Variants in MPPED1 observed in about 807,000 individuals in gnomAD.
The protein encoded by MPPED1 is metallophosphoesterase domain-containing protein 1.
Under a neutral mutation model 36.2 loss-of-function variants are expected in MPPED1, and 16 were observed. That is an observed-to-expected ratio of 0.44 (90% CI 0.30 to 0.67). The LOEUF is 0.67. Ranked by LOEUF, MPPED1 falls within the 30% of genes least tolerant of loss-of-function variation. The pLI is 0.10. For synonymous variants in MPPED1, 199 were observed against 191.3 expected (o/e 1.04, Z -0.33); for missense variants, 307 against 453.4 (o/e 0.68, Z 2.93).
intron 2 of MPPED1, among the ~76,000 whole-genome samples, chr22:43,431,437 C>A (rs550736676): frequency 6.6e-6 from 1 of 152,116 alleles, no homozygotes; most frequent in East Asian, 1.9e-4. Context: ...TGTGGGTGTC[C>A]CACCCACAGA....
intron 6 of MPPED1, 74 bp from the exon 7 acceptor site, chr22:43,505,424 T>A: frequency 7.3e-7 from 1 of 1,368,008 alleles, no homozygotes; most frequent in East Asian, 2.5e-5. Context: ...CTGAGTGCCC[T>A]ATGACTGCCA....
chr22:43,490,728 TG>T (rs1932056166), intron 4 of MPPED1, among the ~76,000 whole-genome samples: 1 of 152,240 alleles, frequency 6.6e-6, no homozygotes. Context: ...AGAAATGTGT[TG>T]CTTGTTTTTC....
chr22:43,458,769 T>G (rs990040818), intron 3 of MPPED1, among the ~76,000 whole-genome samples: 8 of 152,220 alleles, frequency 5.3e-5, no homozygotes, highest in Non-Finnish European at 1.0e-4. Flanking sequence ...AATGACTTAA[T>G]TTCTCTATTT....
Position 43,507,600 on chromosome 22 carries a change from GT to G in MPPED1, c.*1985del, listed in dbSNP as rs1434860487. The G allele has an allele frequency of 6.6e-6, 1 of 152,200 alleles. No individual in the cohort carries two copies. The highest frequency in any genetic ancestry group is 2.4e-5 in the African/African-American group (1 of 41,440). 9.4% of individuals were successfully genotyped at this position (152,200 alleles called of 1,614,324 possible). A position where few individuals can be genotyped will look rare whatever the true frequency, so the allele number is the denominator to read the frequency against. On this transcript the variant is annotated 3_prime_UTR_variant, in exon 7 of 7. Coordinates refer to ENST00000443721, the MANE Select transcript of MPPED1 (RefSeq NM_001044370.2). ...AGTGCCAGCTCCACTCAATTTCTAT[GT>G]GGACCAAGAACGATAAACTTAAAAA...
At chr22:43,504,316 A>G (rs1932772706) in intron 6 of MPPED1, among the ~76,000 whole-genome samples, 1 of 151,966 alleles carries the variant, frequency 6.6e-6, no homozygotes, top group African/African-American at 2.4e-5. Context: ...GTTGGTGGTG[A>G]TGATCATGAT....
intron 3 of MPPED1, among the ~76,000 whole-genome samples, chr22:43,445,280 C>A (rs1338404587): frequency 1.3e-5 from 2 of 152,078 alleles, no homozygotes; most frequent in African/African-American, 4.8e-5. Flanking sequence ...AAAACATGCC[C>A]ATTTCTGTCA....
chr22:43,448,670 T>A (rs1025178556), intron 3 of MPPED1, among the ~76,000 whole-genome samples: 2 of 152,128 alleles, frequency 1.3e-5, no homozygotes, highest in Non-Finnish European at 2.9e-5. Flanking sequence ...TGGCATGATC[T>A]TAGCTCACTG....
intron 3 of MPPED1, among the ~76,000 whole-genome samples, chr22:43,454,367 T>A (rs1042570662): frequency 3.7e-4 from 57 of 152,104 alleles, no homozygotes; most frequent in African/African-American, 1.3e-3. Flanking sequence ...AGTGCAGTGG[T>A]GTTCTTGGTT....
intron 1 of MPPED1, chr22:43,418,199 C>T (rs925700849): frequency 4.2e-5 from 19 of 455,868 alleles, no homozygotes; most frequent in Non-Finnish European, 7.1e-5. Context: ...AGAGCACTTT[C>T]GAGAGCCGGA....
chr22:43,474,183 A>G lies in MPPED1; in HGVS notation c.407-553A>G, dbSNP rs2413764. On this transcript the variant is annotated intron_variant, in intron 3 of 6. Coordinates refer to ENST00000443721, the MANE Select transcript of MPPED1 (RefSeq NM_001044370.2). The surrounding 1 kb of genome is among the most constrained non-coding windows in gnomAD (Gnocchi z 5.2). ...GGTGGGGGCCTGGGACCGTGAGGCC[A>G]GTGACAGCTAGGGCTGGGGATGCAG... Among the ~76,000 whole-genome samples the G allele has an allele frequency of 0.66, 99,790 of 152,098 alleles. 33,240 individuals are homozygous for G. Among genetic ancestry groups the G allele is most frequent in the African/African-American group, 0.75 (31,217 of 41,496 alleles).
In MPPED1 at chr22:43,507,703, T is replaced by A. The variant is rs1268478944; in HGVS notation, c.*2087T>A. 6.6e-6 allele frequency: 1 copy of A among 152,208 alleles called. No homozygotes were observed. Among genetic ancestry groups the A allele is most frequent in the Non-Finnish European group, 1.5e-5 (1 of 68,030 alleles). 9.4% of individuals were successfully genotyped at this position (152,208 alleles called of 1,614,324 possible). Reference sequence around the variant, plus strand: ...GAAAAGTTATGAAGGCAGCTGTTACTTTAAGAGAAAATTCATTAAAAGTCC... The same window carrying A: ...GAAAAGTTATGAAGGCAGCTGTTACATTAAGAGAAAATTCATTAAAAGTCC... On this transcript the variant is annotated 3_prime_UTR_variant, in exon 7 of 7. Coordinates refer to ENST00000443721, the MANE Select transcript of MPPED1 (RefSeq NM_001044370.2).
At chr22:43,489,553 C>T (rs1003100863) in intron 4 of MPPED1, among the ~76,000 whole-genome samples, 4 of 151,812 alleles carry the variant, frequency 2.6e-5, no homozygotes, top group Admixed American at 2.0e-4. Flanking sequence ...GAGTCTCGCT[C>T]TGTCGCCCAG....
intron 3 of MPPED1, among the ~76,000 whole-genome samples, chr22:43,457,116 CT>C (rs1324238964): frequency 2.0e-5 from 3 of 152,160 alleles, no homozygotes; most frequent in Non-Finnish European, 4.4e-5. Context: ...GTATCAAAGC[CT>C]CCTAGACTGA....
At chr22:43,438,511 T>C (rs1014335746) in intron 3 of MPPED1, among the ~76,000 whole-genome samples, 6 of 151,512 alleles carry the variant, frequency 4.0e-5, no homozygotes, top group African/African-American at 1.5e-4. Context: ...TTTGGGAAGG[T>C]TTTTGTATGG....
chr22:43,447,883 A>ATATATATATATATATATATATATT (rs1321289636), intron 3 of MPPED1, among the ~76,000 whole-genome samples: 29 of 67,696 alleles, frequency 4.3e-4, no homozygotes, highest in Non-Finnish European at 6.6e-4. Flanking sequence ...ATATATATAT[A>ATATATATATATATATATATATATT]TTTTTTTTTT....
At chr22:43,493,283 G>A (rs1836691602) in intron 4 of MPPED1, among the ~76,000 whole-genome samples, 1 of 152,236 alleles carries the variant, frequency 6.6e-6, no homozygotes, top group Non-Finnish European at 1.5e-5. Context: ...ATAGGACTAA[G>A]TTGGGGTTTT....
chr22:43,507,795 T>C lies in MPPED1; in HGVS notation c.*2179T>C, dbSNP rs1363574548. On this transcript the variant is annotated 3_prime_UTR_variant, in exon 7 of 7. Coordinates refer to ENST00000443721, the MANE Select transcript of MPPED1 (RefSeq NM_001044370.2). The stretch of plus-strand genomic sequence containing the variant: ...CATAACTTGATTGTGGCTGTAATTT[T>C]TTTTTTTTTTTTTGTCAAGCATGTC... 6.6e-6 allele frequency: 1 copy of C among 150,630 alleles called. No homozygotes were observed. Among genetic ancestry groups the C allele is most frequent in the African/African-American group, 2.4e-5 (1 of 40,982 alleles). 9.3% of individuals were successfully genotyped at this position (150,630 alleles called of 1,614,324 possible). A position where few individuals can be genotyped will look rare whatever the true frequency, so the allele number is the denominator to read the frequency against.
chr22:43,485,425 C>T (rs895549702), intron 4 of MPPED1, among the ~76,000 whole-genome samples: 2 of 151,990 alleles, frequency 1.3e-5, no homozygotes, highest in African/African-American at 2.4e-5. Flanking sequence ...TATTCATACA[C>T]ACATTCACAC....
chr22:43,488,391 G>T (rs1931980670), intron 4 of MPPED1, among the ~76,000 whole-genome samples: 1 of 152,210 alleles, frequency 6.6e-6, no homozygotes, highest in Non-Finnish European at 1.5e-5. Flanking sequence ...AGCAGGGTAG[G>T]CTCGGCTTCT....
Sources: gnomAD v4.1 joint callset for allele counts (sites outside exome capture counted in the v4.1 genomes callset) on GRCh38, gnomAD v4.1.1 for gene constraint, Gnocchi (gnomAD v3.1) non-coding constraint, MANE v1.5 for transcripts, NCBI Gene and HGNC (gene_info 2026-07-23, HGNC 2026-07-21) for gene names.